The following PARD3B variants were observed in gnomAD, a reference collection of about 807,000 sequenced individuals.
The protein encoded by PARD3B is par-3 family cell polarity regulator beta, also known as partitioning defective 3 homolog B.
A neutral mutation model predicts 130.2 loss-of-function variants in PARD3B; 103 were observed. The ratio of observed to expected loss-of-function variants is 0.79; its 90% CI spans 0.67 to 0.93. The LOEUF (loss-of-function observed/expected upper bound fraction) is 0.93, where lower values mean the gene tolerates loss of function less well. Ranked by LOEUF, PARD3B falls within the 40% of genes least tolerant of loss-of-function variation. The probability of loss-of-function intolerance (pLI) is 0.00; values close to 1 mark genes in which losing one functional copy is unlikely to be tolerated. For synonymous variants in PARD3B, 583 were observed against 553.2 expected, an observed-to-expected ratio of 1.05 and a Z score of -0.76; for missense variants, 1,609 against 1,499.2, an observed-to-expected ratio of 1.07 and a Z score of -1.21.
At chr2:204,834,748 C>T (rs893921726) in intron 2 of PARD3B, among the ~76,000 whole-genome samples, 2 of 152,102 alleles carry the variant, frequency 1.3e-5, no homozygotes, top group African/African-American at 4.8e-5. Flanking sequence ...TTTCTTCTAC[C>T]CCTATCCTCC....
Position 205,013,326 on chromosome 2 carries a change from A to G in PARD3B, c.395-34255A>G, listed in dbSNP as rs541889553. ...TATAATTGATAACTGTAGTTTAATT[A>G]TTCAAAATCATTATTTTTAGATGTT... On this transcript the variant is annotated intron_variant, in intron 3 of 22. Coordinates refer to ENST00000406610, the MANE Select transcript of PARD3B (RefSeq NM_001302769.2). 4.4e-3 allele frequency among the ~76,000 whole-genome samples: 672 copies of G among 152,346 alleles called. 2 individuals are homozygous for G. The highest frequency in any genetic ancestry group is 0.013 in the African/African-American group (544 of 41,576).
At chr2:204,840,680 A>G (rs1050716220) in intron 2 of PARD3B, among the ~76,000 whole-genome samples, 1 of 152,132 alleles carries the variant, frequency 6.6e-6, no homozygotes, top group Non-Finnish European at 1.5e-5. Context: ...AACCACAATG[A>G]TAAGTACGGT....
chr2:205,529,838 T>C (rs1394455270), intron 21 of PARD3B, among the ~76,000 whole-genome samples: 1 of 152,212 alleles, frequency 6.6e-6, no homozygotes, highest in Non-Finnish European at 1.5e-5. Context: ...AGAGAACAGA[T>C]GCATACAGTT....
chr2:205,222,612 T>C (rs1256728961), intron 15 of PARD3B, among the ~76,000 whole-genome samples: 1 of 152,224 alleles, frequency 6.6e-6, no homozygotes, highest in Admixed American at 6.5e-5. Context: ...AACAGAGGTG[T>C]GTTTTCCATC....
intron 2 of PARD3B, among the ~76,000 whole-genome samples, chr2:204,700,579 C>T (rs1383453993): frequency 6.6e-6 from 1 of 152,066 alleles, no homozygotes; most frequent in Non-Finnish European, 1.5e-5. Flanking sequence ...TTTATAGTAT[C>T]TCTTCACTGT....
chr2:204,615,216 G>A (rs1182518936), intron 1 of PARD3B, among the ~76,000 whole-genome samples: 1 of 152,068 alleles, frequency 6.6e-6, no homozygotes, highest in East Asian at 1.9e-4. Flanking sequence ...AGATAATTCT[G>A]GATGTTCTCC....
chr2:204,988,966 TTATC>T, intron 3 of PARD3B, among the ~76,000 whole-genome samples: 1 of 152,308 alleles, frequency 6.6e-6, no homozygotes, highest in Non-Finnish European at 1.5e-5. Context: ...TGAGAAATAT[TTATC>T]AGGTACTGTT....
intron 20 of PARD3B, among the ~76,000 whole-genome samples, chr2:205,459,181 G>A (rs78972782): frequency 0.02 from 3,033 of 152,212 alleles, 85 homozygotes; most frequent in African/African-American, 0.063. Flanking sequence ...GAGAAAAAAC[G>A]CCACAGAATA....
At chr2:205,326,891 A>G (rs1200350166) in intron 18 of PARD3B, among the ~76,000 whole-genome samples, 1 of 152,198 alleles carries the variant, frequency 6.6e-6, no homozygotes. Context: ...TATTAATCAG[A>G]CTAGACAAAT....
intron 21 of PARD3B, among the ~76,000 whole-genome samples, chr2:205,511,522 T>C (rs1489537270): frequency 6.6e-6 from 1 of 152,166 alleles, no homozygotes; most frequent in East Asian, 1.9e-4. Flanking sequence ...TCTACAATAA[T>C]AACATTCTTT....
At chr2:204,591,402 C>T (rs964989177) in intron 1 of PARD3B, among the ~76,000 whole-genome samples, 3 of 152,170 alleles carry the variant, frequency 2.0e-5, no homozygotes, top group South Asian at 2.1e-4. Context: ...ACAGATAATA[C>T]GAAAGAATAC....
intron 3 of PARD3B, among the ~76,000 whole-genome samples, chr2:204,991,083 T>A (rs4675484): frequency 0.32 from 48,111 of 151,822 alleles, 8,075 homozygotes; most frequent in Admixed American, 0.44. Flanking sequence ...TTTTTTTTTT[T>A]TTATTATACT....
chr2:205,457,892 C>T (rs1273071701), intron 20 of PARD3B, among the ~76,000 whole-genome samples: 1 of 152,104 alleles, frequency 6.6e-6, no homozygotes, highest in Non-Finnish European at 1.5e-5. Flanking sequence ...ATGAAATGCT[C>T]ATTGGAGCAC....
chr2:205,038,319 C>G (rs773258916), intron 3 of PARD3B, among the ~76,000 whole-genome samples: 1 of 151,996 alleles, frequency 6.6e-6, no homozygotes, highest in South Asian at 2.1e-4. Context: ...TCAGTTAGTA[C>G]TTTACTTGTT....
intron 2 of PARD3B, among the ~76,000 whole-genome samples, chr2:204,920,876 G>T (rs2047651223): frequency 1.3e-5 from 2 of 152,180 alleles, no homozygotes; most frequent in South Asian, 4.1e-4. Flanking sequence ...TCCCCTGTCA[G>T]ATGCAATTTG....
intron 15 of PARD3B, among the ~76,000 whole-genome samples, chr2:205,226,020 A>G (rs2038522082): frequency 6.6e-6 from 1 of 152,106 alleles, no homozygotes; most frequent in Non-Finnish European, 1.5e-5. Context: ...TATGAGACGA[A>G]TTCTCATTCT....
At chr2:204,783,424 G>C (rs2041908452) in intron 2 of PARD3B, among the ~76,000 whole-genome samples, 1 of 151,970 alleles carries the variant, frequency 6.6e-6, no homozygotes, top group Non-Finnish European at 1.5e-5. Context: ...TACAGGATTT[G>C]GGCCCCACCC....
intron 4 of PARD3B, among the ~76,000 whole-genome samples, chr2:205,089,225 C>T (rs1701947932): frequency 1.4e-5 from 2 of 146,068 alleles, no homozygotes; most frequent in African/African-American, 2.6e-5. Flanking sequence ...GGCTGGAGTG[C>T]GATGGCATGA....
At position 205,288,762 on chromosome 2, in the gene PARD3B, C is replaced by G. The variant is rs1211255515; in HGVS notation, c.2186-11768C>G. 3.3e-5 allele frequency among the ~76,000 whole-genome samples: 5 copies of G among 152,178 alleles called. No individual in the cohort carries two copies. The highest frequency in any genetic ancestry group is 1.3e-4 in the Admixed American group (2 of 15,276). On this transcript the variant is annotated intron_variant, in intron 16 of 22. Coordinates refer to ENST00000406610, the MANE Select transcript of PARD3B (RefSeq NM_001302769.2). This position sits in a 1 kb window ranked among gnomAD's most constrained non-coding sequence, Gnocchi z 4.0. Reference sequence around the variant, plus strand: ...TCCTCTAAGTGGTGTGCCTGTCCACCTCCTACTTCTCTTACCTATATATCA... The same window carrying G: ...TCCTCTAAGTGGTGTGCCTGTCCACGTCCTACTTCTCTTACCTATATATCA...
Sources: gnomAD v4.1 joint callset for allele counts (sites outside exome capture counted in the v4.1 genomes callset) on GRCh38, gnomAD v4.1.1 for gene constraint, Gnocchi (gnomAD v3.1) non-coding constraint, MANE v1.5 for transcripts, NCBI Gene and HGNC (gene_info 2026-07-23, HGNC 2026-07-21) for gene names.